HOMER2: variants seen among roughly 807,000 people sequenced by gnomAD.
HOMER2 encodes homer scaffold protein 2, also known as homer protein homolog 2.
In HOMER2, 27 loss-of-function variants were observed where a neutral mutation model predicts 47.0. The ratio of observed to expected loss-of-function variants is 0.57; its 90% CI spans 0.42 to 0.79. The LOEUF is 0.79. Ranked by LOEUF, HOMER2 falls within the 30% of genes least tolerant of loss-of-function variation. The probability of loss-of-function intolerance (pLI) is 0.00; values close to 1 mark genes in which losing one functional copy is unlikely to be tolerated. For missense variants in HOMER2, 443 were observed against 435.0 expected, an observed-to-expected ratio of 1.02 and a Z score of -0.16; for synonymous variants, 161 against 163.8, an observed-to-expected ratio of 0.98 and a Z score of 0.13.
chr15:82,925,732 C>T (rs2053839121), intron 1 of HOMER2, among the ~76,000 whole-genome samples: 1 of 152,128 alleles, frequency 6.6e-6, no homozygotes, highest in Non-Finnish European at 1.5e-5. Flanking sequence ...CTATTATTTG[C>T]TTTCATGGCA....
chr15:82,909,150 A>C (rs149801614), intron 1 of HOMER2, among the ~76,000 whole-genome samples: 12 of 152,214 alleles, frequency 7.9e-5, no homozygotes, highest in East Asian at 7.7e-4. Context: ...GTTCAAGATC[A>C]TTCAGGTTGA....
At chr15:82,931,533 CT>C in intron 1 of HOMER2, among the ~76,000 whole-genome samples, 1 of 139,168 alleles carries the variant, frequency 7.2e-6, no homozygotes. Flanking sequence ...AGCATGCCTG[CT>C]TTAAAAAAAA....
At position 82,851,153 on chromosome 15, in the gene HOMER2, C is replaced by T; in HGVS notation, c.841G>A (p.Glu281Lys). The T allele has an allele frequency of 6.3e-7, 1 of 1,578,668 alleles. No homozygotes were observed. Among genetic ancestry groups the T allele is most frequent in the African/African-American group, 1.3e-5 (1 of 74,480 alleles). ...GGCTGTGCCCCCAACCCACGTACCT[C>T]TAGCTTCTCAGAGACATATTCGCAC... ...SECEYVSEKLEAAERDNQNLE... is the reference protein window; with the variant it reads ...SECEYVSEKLKAAERDNQNLE... The change falls in exon 8 of 9, where the codon GAG becomes AAG. Residue 281 changes from glutamate to lysine, a missense_variant and splice_region_variant. Transcript: ENST00000450735.
upstream of HOMER2, among the ~76,000 whole-genome samples, chr15:82,957,113 C>T (rs2054594170): frequency 1.3e-5 from 2 of 152,084 alleles, no homozygotes; most frequent in Admixed American, 6.6e-5. Flanking sequence ...CCTGTCTCTA[C>T]TGAAAATATA....
chr15:82,981,896 G>A (rs2030408288), intron 1 of HOMER2, among the ~76,000 whole-genome samples: 1 of 151,716 alleles, frequency 6.6e-6, no homozygotes, highest in African/African-American at 2.4e-5. Flanking sequence ...TTCAGTGTGA[G>A]AAGATGAAAA....
At chr15:82,982,350 C>G (rs1019051408) in intron 1 of HOMER2, among the ~76,000 whole-genome samples, 2 of 152,120 alleles carry the variant, frequency 1.3e-5, no homozygotes, top group Non-Finnish European at 2.9e-5. Context: ...AACAGATTTC[C>G]TGTTGTCAGA....
intron 3 of HOMER2, among the ~76,000 whole-genome samples, chr15:82,872,175 C>T (rs1197944542): frequency 6.6e-6 from 1 of 152,150 alleles, no homozygotes; most frequent in Non-Finnish European, 1.5e-5. Context: ...GAGGGAAAGA[C>T]ATACACCCCC....
At chr15:82,923,738 C>G (rs1268699198) in intron 1 of HOMER2, among the ~76,000 whole-genome samples, 3 of 152,160 alleles carry the variant, frequency 2.0e-5, no homozygotes, top group Non-Finnish European at 2.9e-5. Flanking sequence ...GCAGGGTATG[C>G]TGAGGTACAC....
intron 2 of HOMER2, among the ~76,000 whole-genome samples, chr15:82,877,853 G>C (rs753128608): frequency 2.3e-4 from 24 of 102,700 alleles, no homozygotes; most frequent in South Asian, 9.0e-4. Context: ...AGGGAAGCAG[G>C]GCGTGGAAAA....
intron 1 of HOMER2, among the ~76,000 whole-genome samples, chr15:82,971,268 A>T (rs766173584): frequency 1.3e-5 from 2 of 152,114 alleles, no homozygotes; most frequent in Non-Finnish European, 2.9e-5. Context: ...GAGGAAGCTC[A>T]TGTGCTCCTT....
At chr15:82,900,258 T>G (rs1567042029) in intron 1 of HOMER2, among the ~76,000 whole-genome samples, 2 of 151,898 alleles carry the variant, frequency 1.3e-5, no homozygotes, top group Admixed American at 1.3e-4. Flanking sequence ...TATGAATTTC[T>G]AATGCATTCC....
At chr15:82,900,686 G>A (rs1299964482) in intron 1 of HOMER2, among the ~76,000 whole-genome samples, 1 of 152,170 alleles carries the variant, frequency 6.6e-6, no homozygotes, top group East Asian at 1.9e-4. Context: ...AGGCAGTATT[G>A]CTCATTAGTG....
At chr15:82,909,298 T>C (rs1162961761) in intron 1 of HOMER2, among the ~76,000 whole-genome samples, 1 of 152,148 alleles carries the variant, frequency 6.6e-6, no homozygotes, top group African/African-American at 2.4e-5. Flanking sequence ...GATGGAGCAA[T>C]GGCGAGAGCA....
rs2053491042 is a variant in HOMER2 at position 82,913,034 on chromosome 15, T to G, written c.6-20193A>C. Among the ~76,000 whole-genome samples, 1 of 152,110 alleles carries G rather than the reference T, an allele frequency of 6.6e-6. No homozygotes were observed. On this transcript the variant is annotated intron_variant, in intron 1 of 8. Coordinates refer to ENST00000450735, the MANE Select transcript of HOMER2 (RefSeq NM_004839.4). The surrounding 1 kb of genome is among the most constrained non-coding windows in gnomAD (Gnocchi z 4.1). ...TAGAAATACTGAAAACACAGAAAAC[T>G]GGGGTGTAGAGAGACAAGAGGGAGT...
intron 4 of HOMER2, among the ~76,000 whole-genome samples, chr15:82,861,678 A>G (rs923226022): frequency 2.6e-5 from 4 of 152,212 alleles, no homozygotes; most frequent in Non-Finnish European, 5.9e-5. Context: ...TAAGAGATTC[A>G]GGAAACCAAG....
chr15:82,927,425 C>G (rs1363172017), intron 1 of HOMER2, among the ~76,000 whole-genome samples: 1 of 152,146 alleles, frequency 6.6e-6, no homozygotes, highest in Non-Finnish European at 1.5e-5. Flanking sequence ...GTAATAATTA[C>G]TCACCTCTTA....
downstream of HOMER2, among the ~76,000 whole-genome samples, chr15:82,848,789 G>A (rs975303074): frequency 3.3e-5 from 5 of 152,330 alleles, no homozygotes; most frequent in Admixed American, 1.3e-4. Context: ...ATGGGCTCCA[G>A]GGGCCTGAGA....
intron 1 of HOMER2, among the ~76,000 whole-genome samples, chr15:82,983,089 TA>T (rs1168052840): frequency 2.0e-5 from 3 of 152,226 alleles, no homozygotes; most frequent in Non-Finnish European, 4.4e-5. Context: ...TAGCCTACCT[TA>T]AACATGCTCA....
rs370285248 is a variant in HOMER2, at chr15:82,870,781, A to G, written c.294+4492T>C. On this transcript the variant is annotated intron_variant, in intron 3 of 8. Transcript: ENST00000450735. ...GGGACAAATTTGAATTACAGATGAAATCACTGAAGTGGGTCAAAAGCAAAT... is the reference window on the plus strand; with the variant it reads ...GGGACAAATTTGAATTACAGATGAAGTCACTGAAGTGGGTCAAAAGCAAAT... Among the ~76,000 whole-genome samples the G allele has an allele frequency of 3.3e-5, 5 of 152,208 alleles. No homozygotes were observed. The East Asian group carries it at 5.8e-4, about 18-fold the overall frequency.
Sources: allele counts gnomAD v4.1 joint callset (sites outside exome capture counted in the v4.1 genomes callset), GRCh38; gene constraint gnomAD v4.1.1; non-coding constraint Gnocchi (gnomAD v3.1); transcripts MANE v1.5; gene names NCBI Gene and HGNC (gene_info 2026-07-23, HGNC 2026-07-21).